The following PCDHA3 variants were observed in gnomAD, a reference collection of about 807,000 sequenced individuals.
PCDHA3 encodes the protein protocadherin alpha-3.
A neutral mutation model predicts 62.2 loss-of-function variants in PCDHA3; 41 were observed. That is an observed-to-expected ratio of 0.66 (90% CI 0.51 to 0.86). The LOEUF (loss-of-function observed/expected upper bound fraction) is 0.86. Ranked by LOEUF, PCDHA3 falls within the 40% of genes least tolerant of loss-of-function variation. PCDHA3 has a pLI of 0.00. For missense variants in PCDHA3, 1,304 were observed against 1,241.2 expected, an observed-to-expected ratio of 1.05 and a Z score of -0.76; for synonymous variants, 640 against 555.4, an observed-to-expected ratio of 1.15 and a Z score of -2.14.
chr5:140,829,433 A>C (rs2150167809), intron 1 of PCDHA3: 1 of 1,614,022 alleles, frequency 6.2e-7, no homozygotes, highest in Non-Finnish European at 8.5e-7. Context: ...GGTGGCCGAC[A>C]TGAATGACAA....
At chr5:140,978,566 T>G (rs1554239422) in intron 1 of PCDHA3, among the ~76,000 whole-genome samples, 1 of 152,204 alleles carries the variant, frequency 6.6e-6, no homozygotes, top group East Asian at 1.9e-4. Flanking sequence ...ATAGCTGTAA[T>G]ACTGAATTGG....
In PCDHA3 at chr5:140,850,578, G is replaced by A. The variant is rs1554144523; in HGVS notation, c.2394+46987G>A. ...CACGGGCCCCGAGGTGACGCTGGTG[G>A]ATGTCAACGTGTACCTGATCATCGC... On this transcript the variant is annotated intron_variant, in intron 1 of 3. Transcript: ENST00000522353. 1.4e-5 allele frequency: 23 copies of A among 1,598,460 alleles called. 2 individuals carry two copies. Among genetic ancestry groups the A allele is most frequent in the Non-Finnish European group, 2.0e-5 (23 of 1,167,876 alleles).
At chr5:140,884,281 G>C in intron 1 of PCDHA3, 4 of 1,613,614 alleles carry the variant, frequency 2.5e-6, no homozygotes, top group Non-Finnish European at 3.4e-6. Flanking sequence ...CGCTGGTGGA[G>C]AGCGGCCAAG....
At chr5:140,843,154 G>T in intron 1 of PCDHA3, 3 of 1,596,128 alleles carry the variant, frequency 1.9e-6, no homozygotes, top group Non-Finnish European at 2.6e-6. Context: ...CGTATGAGCT[G>T]CAGCCAGCTG....
At chr5:140,903,570 C>G (rs781884167) in intron 1 of PCDHA3, among the ~76,000 whole-genome samples, 3 of 152,154 alleles carry the variant, frequency 2.0e-5, no homozygotes, top group Non-Finnish European at 4.4e-5. Context: ...GAATTGGGAG[C>G]TGTCTAGCTG....
intron 3 of PCDHA3, among the ~76,000 whole-genome samples, chr5:141,002,021 C>T (rs1177146388): frequency 6.6e-6 from 1 of 152,184 alleles, no homozygotes; most frequent in Non-Finnish European, 1.5e-5. Context: ...GCACAGCCTT[C>T]GGTGCCCTGA....
At chr5:140,823,193 T>A (rs2150123303) in intron 1 of PCDHA3, 20 of 1,613,836 alleles carry the variant, frequency 1.2e-5, no homozygotes, top group Non-Finnish European at 1.7e-5. Flanking sequence ...GGCTGCCACA[T>A]CTTCACGGTG....
rs781790601 is a variant in PCDHA3 at position 140,870,998 on chromosome 5, C to G, written c.2394+67407C>G. The G allele has an allele frequency of 6.2e-6, 10 of 1,613,366 alleles. No individual in the cohort carries two copies. The Admixed American group carries it at 1.7e-4, about 27-fold the overall frequency. On this transcript the variant is annotated intron_variant, in intron 1 of 3. Transcript: ENST00000522353. Reference sequence around the variant, plus strand: ...GGGCTGTACACGGGCGAGATAAGCACAACGCGTGCCCTGGACGAGGCAGAC... The same window carrying G: ...GGGCTGTACACGGGCGAGATAAGCAGAACGCGTGCCCTGGACGAGGCAGAC...
intron 1 of PCDHA3, among the ~76,000 whole-genome samples, chr5:140,827,222 G>A (rs1269861072): frequency 2.0e-5 from 3 of 152,150 alleles, no homozygotes; most frequent in Non-Finnish European, 4.4e-5. Context: ...TAAAGGAAAG[G>A]ATATGGGACA....
At chr5:141,007,869 T>C (rs2098349373) in intron 3 of PCDHA3, among the ~76,000 whole-genome samples, 1 of 152,262 alleles carries the variant, frequency 6.6e-6, no homozygotes, top group African/African-American at 2.4e-5. Flanking sequence ...TCTTTTCCTT[T>C]GTCTTACACT....
At position 140,802,150 on chromosome 5, in the gene PCDHA3, T is replaced by C. The variant is rs782759775; in HGVS notation, c.953T>C (p.Ile318Thr). 4.6e-5 allele frequency: 74 copies of C among 1,614,112 alleles called. 1 individual carries two copies. Among genetic ancestry groups the C allele is most frequent in the Non-Finnish European group, 5.8e-5 (68 of 1,180,050 alleles). ...TTCGAGGAAAGTAAGTCATATGAAA[T>C]CCAGGTAGAAGCCACGGATAAAGGA... ...IDFEESKSYE[I>T]QVEATDKGNP... Residue 318 changes from isoleucine (I) to threonine (T), a missense_variant, in exon 1 of 4, where the codon ATC (isoleucine) becomes ACC (threonine). By Grantham distance (89) the Ile-to-Thr change is moderately conservative. Coordinates refer to ENST00000522353, the MANE Select transcript of PCDHA3 (RefSeq NM_018906.3).
chr5:140,976,798 A>G (rs571590033), intron 1 of PCDHA3, among the ~76,000 whole-genome samples: 169 of 152,368 alleles, frequency 1.1e-3, no homozygotes, highest in Admixed American at 1.8e-3. Context: ...GCTTTTATGA[A>G]TATCTGAAGA....
chr5:140,923,456 G>T (rs1554201450), intron 1 of PCDHA3, among the ~76,000 whole-genome samples: 3 of 152,134 alleles, frequency 2.0e-5, no homozygotes, highest in African/African-American at 7.2e-5. Flanking sequence ...TGAGCCCAGA[G>T]AGGTAGGGGC....
chr5:140,884,804 T>A (rs1223470171), intron 1 of PCDHA3: 1 of 1,210,196 alleles, frequency 8.3e-7, no homozygotes, highest in Non-Finnish European at 1.1e-6. Flanking sequence ...ATTTAACAAC[T>A]CTGCTGTGGA....
rs151175650 is a variant in PCDHA3 at position 140,807,672 on chromosome 5, T to C, written c.2394+4081T>C. On this transcript the variant is annotated intron_variant, in intron 1 of 3. Transcript: ENST00000522353. ...CTAGAGGGCGCCTCGGATGCAGATA[T>C]CGGGGAGAACGCCCTGCTCACTTAC... 9.9e-5 allele frequency: 160 copies of C among 1,614,086 alleles called. No individual in the cohort carries two copies. The highest frequency in any genetic ancestry group is 1.3e-4 in the Non-Finnish European group (157 of 1,180,036).
intron 1 of PCDHA3, among the ~76,000 whole-genome samples, chr5:140,906,402 A>G (rs1378425113): frequency 1.3e-5 from 2 of 152,268 alleles, no homozygotes; most frequent in African/African-American, 4.8e-5. Flanking sequence ...AAATTTTCAT[A>G]TGAAGTCAAT....
chr5:140,883,494 T>C, intron 1 of PCDHA3: 1 of 1,614,208 alleles, frequency 6.2e-7, no homozygotes, highest in Non-Finnish European at 8.5e-7. Flanking sequence ...TCATTAGTGC[T>C]GGACAGCGCC....
intron 1 of PCDHA3, among the ~76,000 whole-genome samples, chr5:140,855,023 G>A (rs115040572): frequency 1.3e-5 from 2 of 149,492 alleles, no homozygotes; most frequent in South Asian, 2.1e-4. Flanking sequence ...GAAACTTCTT[G>A]TATAAAGGAT....
Position 141,005,701 on chromosome 5 carries a change from C to CAAA in PCDHA3, c.2543-3898_2543-3896dup, listed in dbSNP as rs59860837. ...TGGGCGACAGAGCGAAACTCCGTCTCAAAAAAAAAAAAAAAAAAAAAAAAA... is the reference window on the plus strand; with the variant it reads ...TGGGCGACAGAGCGAAACTCCGTCTCAAAAAAAAAAAAAAAAAAAAAAAAAAAA... On this transcript the variant is annotated intron_variant, in intron 3 of 3. Transcript: ENST00000522353. Among the ~76,000 whole-genome samples the CAAA allele has an allele frequency of 9.1e-3, 71 of 7,774 alleles. 6 individuals are homozygous for CAAA. Among genetic ancestry groups the CAAA allele is most frequent in the Non-Finnish European group, 0.012 (43 of 3,684 alleles). 5.1% of individuals were successfully genotyped at this position (7,774 alleles called of 152,430 possible).
Sources: gnomAD v4.1 joint callset for allele counts (sites outside exome capture counted in the v4.1 genomes callset) on GRCh38, gnomAD v4.1.1 for gene constraint, MANE v1.5 for transcripts, NCBI Gene and HGNC (gene_info 2026-07-23, HGNC 2026-07-21) for gene names.